Variants in TRDN observed in about 807,000 individuals in gnomAD.
The protein encoded by TRDN is triadin.
Under a neutral mutation model 149.7 loss-of-function variants are expected in TRDN, and 161 were observed. The ratio of observed to expected loss-of-function variants is 1.08; its 90% CI spans 0.95 to 1.23. The LOEUF (loss-of-function observed/expected upper bound fraction) is 1.23. Among genes scored for constraint, TRDN ranks in the 50% most tolerant of loss-of-function variants. The probability of loss-of-function intolerance (pLI) is 0.00; values close to 1 mark genes in which losing one functional copy is unlikely to be tolerated. For missense variants in TRDN, 896 were observed against 823.5 expected, an observed-to-expected ratio of 1.09 and a Z score of -1.08; for synonymous variants, 294 against 250.5, an observed-to-expected ratio of 1.17 and a Z score of -1.64.
intron 6 of TRDN, among the ~76,000 whole-genome samples, chr6:123,513,360 G>A (rs570681307): frequency 1.3e-4 from 20 of 152,088 alleles, no homozygotes; most frequent in Non-Finnish European, 2.6e-4. Context: ...CACTTACAAT[G>A]CAGCATTTTA....
In TRDN at chr6:123,407,981, G is replaced by T. The variant is rs371467120; in HGVS notation, c.1052-14304C>A. On this transcript the variant is annotated intron_variant, in intron 12 of 40. Transcript: ENST00000334268. ...ATAAGTCCTAGAGGTGCCTGGTCTG[G>T]GTTTAAATCTTGCTCCACCAATTTC... Among the ~76,000 whole-genome samples, 129 of 152,284 alleles carry T rather than the reference G, an allele frequency of 8.5e-4. 1 individual carries two copies. The highest frequency in any genetic ancestry group is 5.0e-3 in the South Asian group (24 of 4,828).
intron 24 of TRDN, among the ~76,000 whole-genome samples, chr6:123,301,754 T>TATATATAC (rs1778412106): frequency 6.0e-5 from 4 of 66,264 alleles, no homozygotes; most frequent in African/African-American, 2.1e-4. Context: ...TATATATACA[T>TATATATAC]ATATATATAT....
chr6:123,317,650 T>C (rs1473195310), intron 23 of TRDN, among the ~76,000 whole-genome samples: 1 of 151,976 alleles, frequency 6.6e-6, no homozygotes. Flanking sequence ...TAATGTTTTC[T>C]ATGTGCCACA....
intron 5 of TRDN, among the ~76,000 whole-genome samples, chr6:123,529,839 A>T (rs1017957840): frequency 2.0e-5 from 3 of 152,000 alleles, no homozygotes; most frequent in Admixed American, 2.0e-4. Context: ...TATATTTTTG[A>T]ATGTCTTGCT....
chr6:123,507,734 G>A (rs1162086846), intron 7 of TRDN, among the ~76,000 whole-genome samples: 1 of 152,042 alleles, frequency 6.6e-6, no homozygotes, highest in Non-Finnish European at 1.5e-5. Flanking sequence ...TTTTATTCAT[G>A]ACTTTTGTCA....
chr6:123,629,102 C>T (rs533755434), intron 1 of TRDN, among the ~76,000 whole-genome samples: 1 of 152,140 alleles, frequency 6.6e-6, no homozygotes, highest in South Asian at 2.1e-4. Flanking sequence ...AATAATAGCT[C>T]CAGCAGTGAA....
At chr6:123,566,576 C>T (rs1782309315) in intron 2 of TRDN, among the ~76,000 whole-genome samples, 1 of 152,210 alleles carries the variant, frequency 6.6e-6, no homozygotes. Context: ...TTCTAAACTT[C>T]CAGAGAGTAA....
intron 9 of TRDN, among the ~76,000 whole-genome samples, chr6:123,486,999 T>C (rs1583129437): frequency 6.6e-6 from 1 of 151,934 alleles, no homozygotes; most frequent in East Asian, 1.9e-4. Context: ...GCAAAATGAG[T>C]CTGGTATGTT....
chr6:123,502,929 A>C, intron 8 of TRDN: 1 of 985,356 alleles, frequency 1.0e-6, no homozygotes, highest in Non-Finnish European at 1.2e-6. Flanking sequence ...AACATTCAAT[A>C]AGGGCCAGAG....
intron 14 of TRDN, among the ~76,000 whole-genome samples, chr6:123,383,644 C>A (rs564481699): frequency 1.2e-4 from 18 of 151,688 alleles, no homozygotes; most frequent in African/African-American, 4.3e-4. Flanking sequence ...AAAATATTAA[C>A]TAAATAAGAT....
chr6:123,445,672 A>T (rs1240183136), intron 10 of TRDN, among the ~76,000 whole-genome samples: 1 of 96,000 alleles, frequency 1.0e-5, no homozygotes, highest in Non-Finnish European at 2.0e-5. Flanking sequence ...AATGCAAATC[A>T]AAACCACAAT....
At chr6:123,433,162 A>ATATCT (rs796874348) in intron 12 of TRDN, among the ~76,000 whole-genome samples, 1 of 80,034 alleles carries the variant, frequency 1.2e-5, no homozygotes, top group African/African-American at 4.7e-5. Context: ...ATATATATAT[A>ATATCT]ATATATATAT....
intron 10 of TRDN, among the ~76,000 whole-genome samples, chr6:123,449,916 G>A (rs1204442422): frequency 6.6e-6 from 1 of 152,114 alleles, no homozygotes; most frequent in Admixed American, 6.5e-5. Context: ...CCTATCTTCA[G>A]CCTCCTCAAA....
At chr6:123,289,561 C>T (rs1777925181) in intron 24 of TRDN, among the ~76,000 whole-genome samples, 1 of 152,136 alleles carries the variant, frequency 6.6e-6, no homozygotes, top group Non-Finnish European at 1.5e-5. Context: ...CACTAGCGTG[C>T]CATGTCAATT....
At chr6:123,289,310 A>T (rs1777916057) in intron 24 of TRDN, among the ~76,000 whole-genome samples, 1 of 151,910 alleles carries the variant, frequency 6.6e-6, no homozygotes, top group Non-Finnish European at 1.5e-5. Context: ...GAAGGTGGTT[A>T]CCAGAGGGTA....
At chr6:123,412,755 T>C (rs934817172) in intron 12 of TRDN, among the ~76,000 whole-genome samples, 3 of 152,058 alleles carry the variant, frequency 2.0e-5, no homozygotes, top group Admixed American at 2.0e-4. Flanking sequence ...TGGTAAAAAG[T>C]TTAAAAATTA....
chr6:123,246,216 A>G (rs1220658212), intron 38 of TRDN, among the ~76,000 whole-genome samples: 3 of 152,194 alleles, frequency 2.0e-5, no homozygotes, highest in African/African-American at 7.2e-5. Context: ...AATCTAGCAG[A>G]AGACAAGAAA....
At chr6:123,559,439 C>T (rs1186156304) in intron 2 of TRDN, among the ~76,000 whole-genome samples, 2 of 152,152 alleles carry the variant, frequency 1.3e-5, no homozygotes, top group South Asian at 2.1e-4. Flanking sequence ...TCCTGGATTA[C>T]AGCTACATCT....
intron 21 of TRDN, chr6:123,351,751 T>A: frequency 1.1e-6 from 1 of 918,418 alleles, no homozygotes; most frequent in Non-Finnish European, 1.3e-6. Flanking sequence ...TCATTTAGAC[T>A]TTGTTCTTGA....
Sources: gnomAD v4.1 joint callset for allele counts (sites outside exome capture counted in the v4.1 genomes callset) on GRCh38, gnomAD v4.1.1 for gene constraint, MANE v1.5 for transcripts, NCBI Gene and HGNC (gene_info 2026-07-23, HGNC 2026-07-21) for gene names.